PCDH11X: variants seen among roughly 807,000 people sequenced by gnomAD.
The protein encoded by PCDH11X is protocadherin 11 X-linked.
A neutral mutation model predicts 53.3 loss-of-function variants in PCDH11X; 18 were observed. That is an observed-to-expected ratio of 0.34 (90% CI 0.23 to 0.50). The LOEUF is 0.50. Ranked by LOEUF, PCDH11X falls within the 20% of genes least tolerant of loss-of-function variation. The pLI, the probability that PCDH11X is intolerant of heterozygous loss-of-function variation, is 0.98. For missense variants in PCDH11X, 570 were observed against 1,032.4 expected, an observed-to-expected ratio of 0.55 and a Z score of 6.14; for synonymous variants, 279 against 393.3, an observed-to-expected ratio of 0.71 and a Z score of 3.44.
rs776993666 is a variant in PCDH11X at position 91,785,392 on chromosome X, CCT to C, written c.-379+5709_-379+5710del. ...ACCAATCTTCAGAGGCAAAGGAACCCCTGTTTGTTTTATTTTAACTGCACTCT... is the reference window on the plus strand; with the variant it reads ...ACCAATCTTCAGAGGCAAAGGAACCCGTTTGTTTTATTTTAACTGCACTCT... On this transcript the variant is annotated intron_variant, in intron 1 of 10. Transcript: ENST00000682573. Among the ~76,000 whole-genome samples, 640 of 108,613 alleles carry C rather than the reference CCT, an allele frequency of 5.9e-3. 3 individuals are homozygous for C. Among genetic ancestry groups the C allele is most frequent in the African/African-American group, 0.02 (601 of 29,741 alleles). The allele number at this position is 108,613 out of a possible 115,157, so 94.3% of individuals were successfully genotyped here.
chrX:91,825,520 C>T (rs925778784), intron 4 of PCDH11X, among the ~76,000 whole-genome samples: 11 of 112,110 alleles, frequency 9.8e-5, no homozygotes, highest in South Asian at 3.7e-4. Context: ...GGCAATGCCT[C>T]GCCCTGCTTC....
chrX:92,363,396 C>A (rs2070390937), intron 8 of PCDH11X, among the ~76,000 whole-genome samples: 1 of 110,849 alleles, frequency 9.0e-6, no homozygotes, highest in South Asian at 3.7e-4. Context: ...TACATATATT[C>A]TTGTTTTGAT....
intron 1 of PCDH11X, among the ~76,000 whole-genome samples, chrX:91,789,684 T>C (rs1392940636): frequency 9.3e-6 from 1 of 106,997 alleles, no homozygotes. Flanking sequence ...CAGAACTGCA[T>C]ACAGGAGTAA....
chrX:92,489,343 C>T (rs1481020625), intron 10 of PCDH11X, among the ~76,000 whole-genome samples: 1 of 110,257 alleles, frequency 9.1e-6, no homozygotes, highest in African/African-American at 3.3e-5. Flanking sequence ...AGCTCTGAGC[C>T]GAAATGTTTG....
chrX:92,274,403 A>T (rs958874999), intron 8 of PCDH11X, among the ~76,000 whole-genome samples: 2 of 111,035 alleles, frequency 1.8e-5, no homozygotes, highest in African/African-American at 6.6e-5. Context: ...CTGGTCTGTT[A>T]TCAGACTGTA....
chrX:92,518,010 A>G (rs2074298791), intron 10 of PCDH11X, among the ~76,000 whole-genome samples: 1 of 108,462 alleles, frequency 9.2e-6, no homozygotes, highest in Non-Finnish European at 1.9e-5. Flanking sequence ...TTTTGGTAAA[A>G]ATTGCTTGCT....
intron 6 of PCDH11X, among the ~76,000 whole-genome samples, chrX:92,034,394 T>C (rs1283799113): frequency 9.3e-6 from 1 of 107,275 alleles, no homozygotes; most frequent in Non-Finnish European, 1.9e-5. Flanking sequence ...TTAACTCTAA[T>C]ATTTTTTTAT....
intron 8 of PCDH11X, among the ~76,000 whole-genome samples, chrX:92,342,307 G>GA (rs1400738453): frequency 9.1e-6 from 1 of 109,667 alleles, no homozygotes; most frequent in African/African-American, 3.3e-5. Context: ...AACAACAAAT[G>GA]AAAAAAAGAA....
intron 7 of PCDH11X, among the ~76,000 whole-genome samples, chrX:92,218,946 C>A (rs1438663194): frequency 9.0e-6 from 1 of 111,372 alleles, no homozygotes; most frequent in South Asian, 3.8e-4. Flanking sequence ...AGACAAAAAC[C>A]ACATGATTAT....
At chrX:91,919,199 T>A (rs1481209006) in intron 6 of PCDH11X, among the ~76,000 whole-genome samples, 2 of 111,268 alleles carry the variant, frequency 1.8e-5, no homozygotes, top group Admixed American at 9.5e-5. Context: ...GCCCTATAAA[T>A]AATGAGCTGT....
At chrX:92,409,708 T>G (rs1299120711) in intron 9 of PCDH11X, among the ~76,000 whole-genome samples, 2 of 112,295 alleles carry the variant, frequency 1.8e-5, no homozygotes, top group Non-Finnish European at 3.8e-5. Context: ...TTTGACTTAT[T>G]GGGTAGAAAA....
intron 8 of PCDH11X, among the ~76,000 whole-genome samples, chrX:92,304,621 C>G (rs1230135585): frequency 6.3e-5 from 7 of 111,453 alleles, no homozygotes; most frequent in Non-Finnish European, 1.3e-4. Flanking sequence ...ATCTAGCTTG[C>G]CTTCCCACTC....
intron 7 of PCDH11X, among the ~76,000 whole-genome samples, chrX:92,248,733 C>T (rs1357005994): frequency 3.6e-5 from 4 of 110,995 alleles, no homozygotes; most frequent in Admixed American, 9.6e-5. Flanking sequence ...ACTCTGTCGC[C>T]CAGGCTGGAG....
intron 7 of PCDH11X, among the ~76,000 whole-genome samples, chrX:92,260,932 T>A (rs947426526): frequency 9.0e-6 from 1 of 111,656 alleles, no homozygotes; most frequent in African/African-American, 3.3e-5. Flanking sequence ...CTCCTCACTA[T>A]ATATAATTTA....
chrX:92,003,005 A>G (rs2563177), intron 6 of PCDH11X, among the ~76,000 whole-genome samples: 27,104 of 74,684 alleles, frequency 0.36, 6,413 homozygotes, highest in East Asian at 0.6. Context: ...TTCACCATTC[A>G]CTGTGATACT....
chrX:92,260,217 A>G (rs967597163), intron 7 of PCDH11X, among the ~76,000 whole-genome samples: 3 of 111,267 alleles, frequency 2.7e-5, no homozygotes, highest in Non-Finnish European at 5.7e-5. Flanking sequence ...TTACTTGAAG[A>G]CACAGAGTGC....
intron 6 of PCDH11X, among the ~76,000 whole-genome samples, chrX:91,998,083 AC>A (rs2062448938): frequency 9.1e-6 from 1 of 110,232 alleles, no homozygotes; most frequent in Admixed American, 9.7e-5. Flanking sequence ...ACAGGCTCCC[AC>A]CACCATGCCC....
At chrX:92,564,611 A>T (rs1193555024) in intron 10 of PCDH11X, among the ~76,000 whole-genome samples, 3 of 110,994 alleles carry the variant, frequency 2.7e-5, no homozygotes, top group Non-Finnish European at 5.7e-5. Flanking sequence ...ACATATAAAA[A>T]TCAAATTATA....
intron 6 of PCDH11X, among the ~76,000 whole-genome samples, chrX:91,894,338 G>T: frequency 9.0e-6 from 1 of 111,502 alleles, no homozygotes; most frequent in East Asian, 2.8e-4. Flanking sequence ...ATTATAAAGG[G>T]GTAATATAGT....
Sources: gnomAD v4.1 joint callset for allele counts (sites outside exome capture counted in the v4.1 genomes callset) on GRCh38, gnomAD v4.1.1 for gene constraint, MANE v1.5 for transcripts, NCBI Gene and HGNC (gene_info 2026-07-23, HGNC 2026-07-21) for gene names.